SYTL2: variants seen among roughly 807,000 people sequenced by gnomAD.
SYTL2 encodes the protein synaptotagmin like 2, also known as synaptotagmin-like protein 2.
In SYTL2, 165 loss-of-function variants were observed where a neutral mutation model predicts 198.7. The ratio of observed to expected loss-of-function variants is 0.83; its 90% confidence interval spans 0.73 to 0.94. The LOEUF is 0.94. SYTL2 is among the 40% of genes least tolerant of loss of function. The pLI is 0.00. For synonymous variants in SYTL2, 966 were observed against 917.7 expected (o/e 1.05, Z -0.95); for missense variants, 2,835 against 2,582.8 (o/e 1.10, Z -2.12).
At chr11:85,810,118 G>A (rs2093011713) in intron 1 of SYTL2, among the ~76,000 whole-genome samples, 1 of 152,120 alleles carries the variant, frequency 6.6e-6, no homozygotes, top group South Asian at 2.1e-4. Flanking sequence ...ATCCCTGCCG[G>A]GCTGTGTGGC....
At position 85,727,519 on chromosome 11, in the gene SYTL2, G is replaced by T. The variant is rs1449256821; in HGVS notation, c.1839C>A (p.Ser613=). 6.5e-7 allele frequency: 1 copy of T among 1,536,016 alleles called. No individual in the cohort carries two copies. Among genetic ancestry groups the T allele is most frequent in the Middle Eastern group, 1.7e-4 (1 of 5,990 alleles). ...CTTTTTGGGACAAATTCATGAATTT[G>T]GATTTGATATTCACATTATTATCTT... ...SCQDNNVNIK[S]KFMNLSQKGT... The change falls in exon 8 of 20, where the codon TCC becomes TCA. Residue 613 remains serine, a synonymous_variant. Coordinates refer to ENST00000359152, the MANE Select transcript of SYTL2 (RefSeq NM_206927.4).
the SYTL2 span, among the ~76,000 whole-genome samples, chr11:85,837,557 G>A: frequency 1.3e-3 from 196 of 152,068 alleles, no homozygotes; most frequent in African/African-American, 4.5e-3. Flanking sequence ...CTATTTTTCC[G>A]AATACATCCT....
chr11:85,734,482 T>C lies in SYTL2; in HGVS notation c.847A>G (p.Thr283Ala), dbSNP rs112498982. ...ILKRNSSSSSTDSETLRYNHN... is the reference protein window; with the variant it reads ...ILKRNSSSSSADSETLRYNHN... ...TTATAACGAAGGGTTTCTGAGTCTGTGCTACTGGAACTGGAGTTGCGCTTG... is the reference window on the plus strand; with the variant it reads ...TTATAACGAAGGGTTTCTGAGTCTGCGCTACTGGAACTGGAGTTGCGCTTG... Residue 283 changes from threonine (T) to alanine (A), a missense_variant, in exon 7 of 20, where the codon ACA becomes GCA. Thr to Ala is a moderately conservative substitution (Grantham distance 58). Around this residue, in one of 3 missense-constraint regions of SYTL2, gnomAD observed 2,645 missense variants for 2,381.7 expected, o/e 1.11. Coordinates refer to ENST00000359152, the MANE Select transcript of SYTL2 (RefSeq NM_206927.4). 6.2e-7 allele frequency: 1 copy of C among 1,614,108 alleles called. No individual in the cohort carries two copies. The highest frequency in any genetic ancestry group is 1.3e-5 in the African/African-American group (1 of 74,938).
intron 1 of SYTL2, among the ~76,000 whole-genome samples, chr11:85,779,066 A>T (rs1307393173): frequency 6.6e-6 from 1 of 152,098 alleles, no homozygotes; most frequent in Non-Finnish European, 1.5e-5. Flanking sequence ...TATAACATAT[A>T]CATCTATATA....
chr11:85,766,854 G>T (rs1394787831), intron 1 of SYTL2, among the ~76,000 whole-genome samples: 1 of 152,162 alleles, frequency 6.6e-6, no homozygotes, highest in African/African-American at 2.4e-5. Context: ...TTGAAGAGAA[G>T]TACGATCTCT....
chr11:85,713,015 G>A (rs761143074), intron 12 of SYTL2, among the ~76,000 whole-genome samples: 28 of 152,092 alleles, frequency 1.8e-4, no homozygotes, highest in Admixed American at 8.5e-4. Flanking sequence ...TACCATGCCC[G>A]GCCTCATATT....
At chr11:85,821,725 G>C in the SYTL2 span, among the ~76,000 whole-genome samples, 1 of 152,188 alleles carries the variant, frequency 6.6e-6, no homozygotes, top group African/African-American at 2.4e-5. Context: ...TGAGATTAAA[G>C]GAAGTAGATT....
chr11:85,820,292 T>C, the SYTL2 span, among the ~76,000 whole-genome samples: 2 of 152,240 alleles, frequency 1.3e-5, no homozygotes, highest in Non-Finnish European at 2.9e-5. Flanking sequence ...TAATTGATTT[T>C]CTATGTAATC....
chr11:85,813,191 C>A (rs989556675), upstream of SYTL2, among the ~76,000 whole-genome samples: 5 of 152,090 alleles, frequency 3.3e-5, no homozygotes, highest in Admixed American at 6.6e-5. Context: ...TCATCTAAAT[C>A]TTGTATGGCT....
intron 4 of SYTL2, among the ~76,000 whole-genome samples, chr11:85,742,079 A>T (rs1005795503): frequency 6.6e-6 from 1 of 152,150 alleles, no homozygotes; most frequent in Non-Finnish European, 1.5e-5. Flanking sequence ...CTCATTTGGG[A>T]GACATTCTCT....
the SYTL2 span, chr11:85,853,753 C>T: frequency 1.3e-5 from 2 of 150,884 alleles, no homozygotes; most frequent in African/African-American, 4.8e-5. Flanking sequence ...CAAGATAGAC[C>T]TTAACTACTG....
chr11:85,838,048 A>G, the SYTL2 span, among the ~76,000 whole-genome samples: 1 of 152,160 alleles, frequency 6.6e-6, no homozygotes, highest in Non-Finnish European at 1.5e-5. Flanking sequence ...CAGTCATGAC[A>G]ATTTAAAATG....
At chr11:85,765,531 G>A (rs1278763391) in intron 1 of SYTL2, among the ~76,000 whole-genome samples, 3 of 152,172 alleles carry the variant, frequency 2.0e-5, no homozygotes, top group Admixed American at 2.0e-4. Context: ...CACCGCGCCT[G>A]GCAGTTGCCA....
intron 4 of SYTL2, among the ~76,000 whole-genome samples, chr11:85,741,072 T>G (rs522290): frequency 3.3e-5 from 4 of 122,542 alleles, no homozygotes; most frequent in South Asian, 2.6e-4. Context: ...TTTTCTGAGG[T>G]TTTTTTTTTT....
chr11:85,736,449 A>C, intron 6 of SYTL2, 52 bp downstream of exon 6: 1 of 905,666 alleles, frequency 1.1e-6, no homozygotes. Context: ...AATTTCCCTT[A>C]GTCCACAGAT....
chr11:85,838,388 T>A, the SYTL2 span, among the ~76,000 whole-genome samples: 12 of 152,158 alleles, frequency 7.9e-5, no homozygotes, highest in African/African-American at 2.9e-4. Context: ...CATAGGTGTA[T>A]GTATTAGGAC....
intron 5 of SYTL2, 61 bp downstream of exon 5, chr11:85,737,514 C>A: frequency 7.5e-7 from 1 of 1,334,222 alleles, no homozygotes; most frequent in Non-Finnish European, 1.1e-6. Flanking sequence ...TGCTTTGACA[C>A]AATGAGGAAA....
chr11:85,775,717 G>C (rs1051472289), intron 1 of SYTL2, among the ~76,000 whole-genome samples: 3 of 152,154 alleles, frequency 2.0e-5, no homozygotes, highest in Non-Finnish European at 4.4e-5. Flanking sequence ...CTGACCTCAA[G>C]TAATCTGCCC....
chr11:85,848,869 A>G, the SYTL2 span, among the ~76,000 whole-genome samples: 2 of 152,222 alleles, frequency 1.3e-5, no homozygotes, highest in African/African-American at 4.8e-5. Context: ...AATTTCAAAC[A>G]TTAATTAGGC....
Sources: allele counts gnomAD v4.1 joint callset (sites outside exome capture counted in the v4.1 genomes callset), GRCh38; gene constraint gnomAD v4.1.1; regional missense constraint gnomAD v4.1.1; transcripts MANE v1.5; gene names NCBI Gene and HGNC (gene_info 2026-07-23, HGNC 2026-07-21).